LTO1: variants seen among roughly 807,000 people sequenced by gnomAD.
LTO1 encodes protein LTO1 homolog.
Under a neutral mutation model 19.8 loss-of-function variants are expected in LTO1, and 18 were observed. The observed-to-expected ratio is 0.91, with a 90% CI of 0.63 to 1.35. The LOEUF is 1.35. Among genes scored for constraint, LTO1 ranks in the 40% most tolerant of loss-of-function variants. LTO1 has a pLI of 0.00. For synonymous variants in LTO1, 59 were observed against 59.6 expected (o/e 0.99, Z 0.05); for missense variants, 175 against 167.9 (o/e 1.04, Z -0.23).
intron 1 of LTO1, 44 bp from the exon 2 acceptor site, chr11:69,673,365 A>G: frequency 7.6e-7 from 1 of 1,312,540 alleles, no homozygotes; most frequent in East Asian, 2.3e-5. Context: ...AGGAGAAAGA[A>G]TACTTTCTCC....
intron 3 of LTO1, 46 bp from the exon 4 acceptor site, chr11:69,668,058 G>T: frequency 2.1e-6 from 2 of 935,870 alleles, no homozygotes; most frequent in East Asian, 2.4e-5. Context: ...GCACACAACA[G>T]GCTCAACTTA....
intron 1 of LTO1, 112 bp from the exon 2 acceptor site, chr11:69,673,433 A>G (rs78436484): frequency 0.029 from 19,891 of 695,754 alleles, 609 homozygotes; most frequent in African/African-American, 0.093. Flanking sequence ...AGAGTAAAGG[A>G]GGAAAAGCCT....
At chr11:69,671,493 C>G in intron 3 of LTO1, 1 of 426,424 alleles carries the variant, frequency 2.3e-6, no homozygotes, top group Non-Finnish European at 4.3e-6. Context: ...ACTAATGACT[C>G]CAGGTAAAAG....
At chr11:69,674,451 G>A in intron 1 of LTO1, 1 of 280,246 alleles carries the variant, frequency 3.6e-6, no homozygotes, top group South Asian at 3.4e-5. Context: ...AGCGCCCCAT[G>A]AAGCAGGGTG....
At chr11:69,671,505 C>G (rs1229829557) in intron 3 of LTO1, 1 of 451,284 alleles carries the variant, frequency 2.2e-6, no homozygotes, top group Non-Finnish European at 4.0e-6. Context: ...AGGTAAAAGG[C>G]AGGAGCATAG....
chr11:69,669,872 C>T (rs923480020), intron 3 of LTO1, among the ~76,000 whole-genome samples: 8 of 152,196 alleles, frequency 5.3e-5, no homozygotes, highest in East Asian at 1.9e-4. Context: ...TGCCGCTCTC[C>T]GTGGTTTCTT....
Position 69,669,297 on chromosome 11 carries a change from G to A in LTO1, c.228-1285C>T, listed in dbSNP as rs1303914203. Among the ~76,000 whole-genome samples the A allele has an allele frequency of 4.6e-5, 7 of 152,216 alleles. No homozygotes were observed. In the South Asian group the frequency reaches 1.0e-3, roughly 23 times the overall value. ...GAGTAGGCAAGATACTCGATTAACG[G>A]GCATTTTAAAGAACTGACAGTTAGG... is the stretch of plus-strand genomic sequence containing the variant. On this transcript the variant is annotated intron_variant, in intron 3 of 4. Transcript: ENST00000279147.
rs969379404 is a variant in LTO1 at position 69,668,126 on chromosome 11, G to A, written c.228-114C>T. On this transcript the variant is annotated intron_variant, in intron 3 of 4. Transcript: ENST00000279147. ...CAGCAGGTGCGCTAAGAATGCCTTC[G>A]TTCAAAAGCTGGATGATTATTTTCT... 13 of 669,246 alleles carry A rather than the reference G, an allele frequency of 1.9e-5. No homozygotes were observed. In the Admixed American group the frequency reaches 2.0e-4, roughly 11 times the overall value. 41.5% of individuals were successfully genotyped at this position (669,246 alleles called of 1,614,324 possible). A position where few individuals can be genotyped will look rare whatever the true frequency, so the allele number is the denominator to read the frequency against.
intron 2 of LTO1, chr11:69,672,431 G>A (rs1419793047): frequency 1.9e-5 from 3 of 156,036 alleles, no homozygotes; most frequent in African/African-American, 7.3e-5. Context: ...TCACAGCATC[G>A]AACATCCAAT....
At chr11:69,672,061 G>A (rs898556744) in intron 2 of LTO1, 3 of 484,300 alleles carry the variant, frequency 6.2e-6, no homozygotes, top group African/African-American at 3.9e-5. Context: ...CAGGTCCCTC[G>A]ACACTCCACC....
At chr11:69,667,872 G>A (rs771069462) in intron 4 of LTO1, 23 bp downstream of exon 4, 7 of 1,124,440 alleles carry the variant, frequency 6.2e-6, no homozygotes, top group Admixed American at 1.7e-5. Flanking sequence ...CTCCTAGCAG[G>A]AGGAAACACA....
rs1856056926 is a variant in LTO1, at chr11:69,667,986, A to T, written c.254T>A (p.Leu85Ter). ...AGGGAATTTCTGGATCATTCCAATCAATGATTCTAAGACCTTCATCTTTCT... is the reference window on the plus strand; with the variant it reads ...AGGGAATTTCTGGATCATTCCAATCTATGATTCTAAGACCTTCATCTTTCT... ...DSRKMKVLES[L>*]IGMIQKFPYD... is the part of the protein sequence containing the mutation. Residue 85 changes from leucine (L) to a stop codon, truncating the protein, a stop_gained, in exon 4 of 5, where the codon TTG becomes TAG. Transcript: ENST00000279147. LOFTEE classifies it high-confidence loss of function. The T allele has an allele frequency of 2.6e-6, 4 of 1,567,806 alleles. No homozygotes were observed. The African/African-American group carries it at 5.4e-5, about 21-fold the overall frequency.
At position 69,665,913 on chromosome 11, in the gene LTO1, G is replaced by C. The variant is rs949622327; in HGVS notation, c.*1606C>G. ...CTCATGCCTGCAATTCCAGCACTTTGGTAGGTGGACGTGGGTGGATCATTT... is the reference window on the plus strand; with the variant it reads ...CTCATGCCTGCAATTCCAGCACTTTCGTAGGTGGACGTGGGTGGATCATTT... On this transcript the variant is annotated 3_prime_UTR_variant, in exon 5 of 5. Transcript: ENST00000279147. The C allele has an allele frequency of 2.0e-5, 3 of 152,188 alleles. No homozygotes were observed. Among genetic ancestry groups the C allele is most frequent in the Non-Finnish European group, 4.4e-5 (3 of 68,056 alleles). The allele number at this position is 152,188 out of a possible 1,614,324, so 9.4% of individuals were successfully genotyped here. A position where few individuals can be genotyped will look rare whatever the true frequency, so the allele number is the denominator to read the frequency against.
At chr11:69,667,815 C>A (rs558460446) in intron 4 of LTO1, 80 bp downstream of exon 4, 1 of 834,478 alleles carries the variant, frequency 1.2e-6, no homozygotes, top group South Asian at 1.4e-5. Flanking sequence ...ATTGCCGCAG[C>A]GGCCCCGGGA....
intron 4 of LTO1, 107 bp downstream of exon 4, chr11:69,667,788 G>T (rs762441585): frequency 9.3e-6 from 7 of 756,624 alleles, no homozygotes; most frequent in South Asian, 1.5e-5. Flanking sequence ...GTTCCGCGGC[G>T]CACGCAGCCC....
At chr11:69,672,687 T>C (rs1270049824) in intron 2 of LTO1, 2 of 198,768 alleles carry the variant, frequency 1.0e-5, no homozygotes, top group Non-Finnish European at 2.1e-5. Flanking sequence ...TTATCCAGCA[T>C]GCATAATTTA....
intron 4 of LTO1, 27 bp downstream of exon 4, chr11:69,667,868 G>T: frequency 1.8e-6 from 2 of 1,098,818 alleles, no homozygotes; most frequent in Non-Finnish European, 2.8e-6. Flanking sequence ...GGTGCTCCTA[G>T]CAGGAGGAAA....
At chr11:69,674,201 A>G (rs1365381600) in intron 1 of LTO1, among the ~76,000 whole-genome samples, 2 of 152,184 alleles carry the variant, frequency 1.3e-5, no homozygotes, top group Non-Finnish European at 2.9e-5. Flanking sequence ...TTGCAGCCAG[A>G]GTTAGGGGGC....
chr11:69,668,231 G>A (rs2119836416), intron 3 of LTO1: 1 of 496,762 alleles, frequency 2.0e-6, no homozygotes, highest in Non-Finnish European at 3.6e-6. Context: ...TGTGTGCCTA[G>A]CTTACAGACA....
Sources: gnomAD v4.1 joint callset for allele counts (sites outside exome capture counted in the v4.1 genomes callset) on GRCh38, gnomAD v4.1.1 for gene constraint, MANE v1.5 for transcripts, NCBI Gene and HGNC (gene_info 2026-07-23, HGNC 2026-07-21) for gene names.